The following DPYD variants were observed in gnomAD, a reference collection of about 807,000 sequenced individuals.
The protein encoded by DPYD is dihydropyrimidine dehydrogenase [NADP(+)].
A neutral mutation model predicts 116.2 loss-of-function variants in DPYD; 109 were observed. That is an observed-to-expected ratio of 0.94 (90% CI 0.80 to 1.10). The LOEUF (loss-of-function observed/expected upper bound fraction) is 1.10, where lower values mean the gene tolerates loss of function less well. Among genes scored for constraint, DPYD ranks in the 50% least tolerant of loss-of-function variants. The pLI is 0.00. For synonymous variants in DPYD, 440 were observed against 432.0 expected (o/e 1.02, Z -0.23); for missense variants, 1,302 against 1,254.5 (o/e 1.04, Z -0.57).
intron 5 of DPYD, among the ~76,000 whole-genome samples, chr1:97,715,249 A>G (rs182347950): frequency 6.6e-6 from 1 of 152,254 alleles, no homozygotes; most frequent in East Asian, 1.9e-4. Context: ...AGCACTATGC[A>G]AAGTACAATA....
chr1:97,917,289 T>C (rs533563511), intron 1 of DPYD, among the ~76,000 whole-genome samples: 115 of 152,174 alleles, frequency 7.6e-4, no homozygotes, highest in Non-Finnish European at 1.4e-3. Flanking sequence ...GGATCCATGA[T>C]TCTCCTTCCT....
At position 97,333,517 on chromosome 1, in the gene DPYD, A is replaced by ATTTTTTTTTTT. The variant is rs778577478; in HGVS notation, c.2059-27231_2059-27221dup. Among the ~76,000 whole-genome samples, 295 of 97,032 alleles carry ATTTTTTTTTTT rather than the reference A, an allele frequency of 3.0e-3. 11 individuals are homozygous for ATTTTTTTTTTT. The highest frequency in any genetic ancestry group is 5.1e-3 in the African/African-American group (122 of 23,760). 63.7% of individuals were successfully genotyped at this position (97,032 alleles called of 152,430 possible). A position where few individuals can be genotyped will look rare whatever the true frequency, so the allele number is the denominator to read the frequency against. ...CCGGCCCCAATTGCTAAGTCTTAGG[A>ATTTTTTTTTTT]TTTTTTTTTTTTTTTTTTTTTGAGA... is the stretch of plus-strand genomic sequence containing the variant. On this transcript the variant is annotated intron_variant, in intron 16 of 22. Coordinates refer to ENST00000370192, the MANE Select transcript of DPYD (RefSeq NM_000110.4).
intron 3 of DPYD, among the ~76,000 whole-genome samples, chr1:97,753,606 A>AC (rs2101106972): frequency 6.6e-6 from 1 of 152,290 alleles, no homozygotes; most frequent in Non-Finnish European, 1.5e-5. Flanking sequence ...ATATGACTGA[A>AC]TTTAGAAACA....
At chr1:97,677,321 C>G (rs1179151263) in intron 8 of DPYD, among the ~76,000 whole-genome samples, 2 of 152,020 alleles carry the variant, frequency 1.3e-5, no homozygotes, top group Non-Finnish European at 2.9e-5. Flanking sequence ...AGTATATACT[C>G]AAATAATGGA....
At chr1:97,257,787 G>T (rs1374575768) in intron 18 of DPYD, among the ~76,000 whole-genome samples, 1 of 151,886 alleles carries the variant, frequency 6.6e-6, no homozygotes, top group East Asian at 2.0e-4. Flanking sequence ...TTTGGAGCTG[G>T]TGACATAAAT....
At chr1:97,450,659 G>C (rs1353079142) in intron 13 of DPYD, among the ~76,000 whole-genome samples, 1 of 150,132 alleles carries the variant, frequency 6.7e-6, no homozygotes, top group African/African-American at 2.4e-5. Flanking sequence ...TTTTTTTTCT[G>C]AAAAAAGTAA....
At chr1:97,556,240 C>G (rs1209225829) in intron 11 of DPYD, among the ~76,000 whole-genome samples, 1 of 152,186 alleles carries the variant, frequency 6.6e-6, no homozygotes, top group Non-Finnish European at 1.5e-5. Flanking sequence ...AGTCTTTTAG[C>G]CTGGCTTCTG....
At chr1:97,546,529 C>G in intron 12 of DPYD, 2 of 1,596,748 alleles carry the variant, frequency 1.3e-6, no homozygotes, top group East Asian at 4.5e-5. Context: ...GCAAGAATTA[C>G]TACAAAGCAT....
intron 3 of DPYD, among the ~76,000 whole-genome samples, chr1:97,821,001 C>T (rs1348558356): frequency 2.0e-5 from 3 of 151,938 alleles, no homozygotes; most frequent in African/African-American, 7.3e-5. Flanking sequence ...TCAAGTTATT[C>T]AATTCAAGTA....
chr1:97,340,412 G>A (rs1669533297), intron 16 of DPYD, among the ~76,000 whole-genome samples: 1 of 152,106 alleles, frequency 6.6e-6, no homozygotes, highest in African/African-American at 2.4e-5. Flanking sequence ...GGCCAGGCAT[G>A]GTGGCTCTGC....
intron 6 of DPYD, 80 bp downstream of exon 6, chr1:97,699,271 G>T: frequency 7.2e-7 from 1 of 1,398,016 alleles, no homozygotes; most frequent in South Asian, 1.2e-5. Context: ...GTTCCTATAT[G>T]ATTATGAACC....
intron 3 of DPYD, among the ~76,000 whole-genome samples, chr1:97,778,928 T>C (rs1025337868): frequency 5.9e-5 from 9 of 152,132 alleles, no homozygotes; most frequent in African/African-American, 2.2e-4. Context: ...ATGGTTAGCA[T>C]TGAAACATAC....
chr1:97,102,396 CATAT>C lies in DPYD; in HGVS notation c.2623-3768_2623-3765del, dbSNP rs372249411. ...TATATCAGAATATATCACTCAGTAT[CATAT>C]ATATATATATATATATATATGTATA... is the stretch of plus-strand genomic sequence containing the variant. On this transcript the variant is annotated intron_variant, in intron 20 of 22. Transcript: ENST00000370192. 8.6e-4 allele frequency among the ~76,000 whole-genome samples: 84 copies of C among 97,284 alleles called. 2 individuals carry two copies. The highest frequency in any genetic ancestry group is 1.2e-3 in the Non-Finnish European group (62 of 50,266). 63.8% of individuals were successfully genotyped at this position (97,284 alleles called of 152,430 possible). A position where few individuals can be genotyped will look rare whatever the true frequency, so the allele number is the denominator to read the frequency against.
chr1:97,085,963 A>G (rs1214058668), intron 21 of DPYD, among the ~76,000 whole-genome samples: 1 of 152,196 alleles, frequency 6.6e-6, no homozygotes, highest in East Asian at 1.9e-4. Flanking sequence ...GTGTTCAAGG[A>G]ATGGATGTTG....
intron 1 of DPYD, among the ~76,000 whole-genome samples, chr1:97,894,171 A>T (rs1672931029): frequency 6.6e-6 from 1 of 151,744 alleles, no homozygotes; most frequent in Non-Finnish European, 1.5e-5. Flanking sequence ...ACTCACTCAC[A>T]GCCACCTTTT....
At chr1:97,274,268 C>T (rs773692330) in intron 18 of DPYD, among the ~76,000 whole-genome samples, 30 of 152,058 alleles carry the variant, frequency 2.0e-4, no homozygotes, top group Non-Finnish European at 3.7e-4. Flanking sequence ...TATATTTGGG[C>T]CATGGGGGCA....
At chr1:97,316,388 C>T (rs191533759) in intron 16 of DPYD, among the ~76,000 whole-genome samples, 31 of 151,132 alleles carry the variant, frequency 2.1e-4, no homozygotes, top group Admixed American at 1.6e-3. Flanking sequence ...GTAACACATA[C>T]CTGTAATCCC....
At chr1:97,531,145 T>C (rs556291929) in intron 12 of DPYD, among the ~76,000 whole-genome samples, 1 of 152,320 alleles carries the variant, frequency 6.6e-6, no homozygotes, top group Non-Finnish European at 1.5e-5. Context: ...CTCCTTTTGC[T>C]TTTGTTGACT....
chr1:97,287,230 G>A lies in DPYD; in HGVS notation c.2299+18029C>T, dbSNP rs371702925. Among the ~76,000 whole-genome samples the A allele has an allele frequency of 5.3e-5, 8 of 152,266 alleles. No homozygotes were observed. In the East Asian group the frequency reaches 7.8e-4, roughly 15 times the overall value. The stretch of plus-strand genomic sequence containing the variant: ...TGCCTGGGTATCAGCAGCGGTGGCC[G>A]CAGAACAGCGGATTTTCATGAACCA... On this transcript the variant is annotated intron_variant, in intron 18 of 22. Coordinates refer to ENST00000370192, the MANE Select transcript of DPYD (RefSeq NM_000110.4).
Sources: gnomAD v4.1 joint callset for allele counts (sites outside exome capture counted in the v4.1 genomes callset) on GRCh38, gnomAD v4.1.1 for gene constraint, MANE v1.5 for transcripts, NCBI Gene and HGNC (gene_info 2026-07-23, HGNC 2026-07-21) for gene names.